The following DNER variants were observed in gnomAD, a reference collection of about 807,000 sequenced individuals.
The protein encoded by DNER is delta/notch like EGF repeat containing.
In DNER, 33 loss-of-function variants were observed where a neutral mutation model predicts 78.2. The observed-to-expected ratio is 0.42, with a 90% CI of 0.32 to 0.56. DNER has a LOEUF of 0.56. Ranked by LOEUF, DNER falls within the 20% of genes least tolerant of loss-of-function variation. The pLI, the probability that DNER is intolerant of heterozygous loss-of-function variation, is 0.11. For synonymous variants in DNER, 417 were observed against 384.8 expected (o/e 1.08, Z -0.98); for missense variants, 918 against 975.3 (o/e 0.94, Z 0.78).
intron 4 of DNER, among the ~76,000 whole-genome samples, chr2:229,570,498 G>T (rs777748975): frequency 5.3e-5 from 8 of 152,066 alleles, no homozygotes; most frequent in African/African-American, 1.2e-4. Context: ...ATGGTGTTGG[G>T]CGCCTATAAT....
At chr2:229,664,331 AC>A (rs57944597) in intron 1 of DNER, among the ~76,000 whole-genome samples, 9,605 of 152,088 alleles carry the variant, frequency 0.063, 859 homozygotes, top group African/African-American at 0.2. Context: ...AGATGCAAGC[AC>A]CATCCAGGGC....
chr2:229,708,919 GT>G (rs1335626470), intron 1 of DNER, among the ~76,000 whole-genome samples: 1 of 152,134 alleles, frequency 6.6e-6, no homozygotes, highest in African/African-American at 2.4e-5. Flanking sequence ...ACAAGTTTTT[GT>G]TCTTTCATTT....
At chr2:229,451,721 A>G (rs1481650220) in intron 7 of DNER, among the ~76,000 whole-genome samples, 1 of 152,244 alleles carries the variant, frequency 6.6e-6, no homozygotes, top group Non-Finnish European at 1.5e-5. Flanking sequence ...CCTACACTGC[A>G]CAGAAGAGAA....
At chr2:229,400,625 C>T (rs558981988) in intron 10 of DNER, among the ~76,000 whole-genome samples, 7 of 152,120 alleles carry the variant, frequency 4.6e-5, no homozygotes, top group Non-Finnish European at 1.0e-4. Flanking sequence ...AAAGAACTCC[C>T]AATGGCCAAA....
intron 1 of DNER, among the ~76,000 whole-genome samples, chr2:229,638,356 G>C (rs1698561118): frequency 6.6e-6 from 1 of 152,200 alleles, no homozygotes; most frequent in Non-Finnish European, 1.5e-5. Flanking sequence ...AAGCAGTATA[G>C]TATTCACCTA....
intron 4 of DNER, among the ~76,000 whole-genome samples, chr2:229,581,163 A>C (rs1697389644): frequency 6.6e-6 from 1 of 152,188 alleles, no homozygotes; most frequent in Admixed American, 6.5e-5. Context: ...GCTTCCTAAC[A>C]CAGAAGCCAC....
intron 1 of DNER, among the ~76,000 whole-genome samples, chr2:229,710,752 C>A (rs1699898754): frequency 6.6e-6 from 1 of 152,044 alleles, no homozygotes; most frequent in African/African-American, 2.4e-5. Context: ...TCATTTTCTG[C>A]ATTTGACTAA....
At chr2:229,663,796 A>G (rs1699046068) in intron 1 of DNER, among the ~76,000 whole-genome samples, 1 of 152,130 alleles carries the variant, frequency 6.6e-6, no homozygotes, top group Non-Finnish European at 1.5e-5. Context: ...TTTTTTCCTG[A>G]GAGTTACAGG....
rs150198484 is a variant in DNER, at chr2:229,464,279, G to A, written c.1261+12861C>T. On this transcript the variant is annotated intron_variant, in intron 7 of 12. Transcript: ENST00000341772. Reference sequence around the variant, plus strand: ...AATTACAAAATCATCAGCTGTAAAAGACCCAATAGGATTGCATTTTAAATG... The same window carrying A: ...AATTACAAAATCATCAGCTGTAAAAAACCCAATAGGATTGCATTTTAAATG... Among the ~76,000 whole-genome samples, 778 of 152,272 alleles carry A rather than the reference G, an allele frequency of 5.1e-3. 3 individuals carry two copies. The highest frequency in any genetic ancestry group is 0.017 in the Middle Eastern group (5 of 294).
At chr2:229,609,667 C>CT (rs1185281244) in intron 1 of DNER, among the ~76,000 whole-genome samples, 3 of 152,254 alleles carry the variant, frequency 2.0e-5, no homozygotes, top group Middle Eastern at 3.4e-3. Context: ...GCCTCTGTTC[C>CT]TAACGTGCTG....
chr2:229,691,259 T>G (rs991950477), intron 1 of DNER, among the ~76,000 whole-genome samples: 3 of 152,206 alleles, frequency 2.0e-5, no homozygotes, highest in Non-Finnish European at 4.4e-5. Flanking sequence ...TAGTTAGATT[T>G]TGTATTTTAT....
chr2:229,523,258 C>T (rs111993814), intron 5 of DNER, among the ~76,000 whole-genome samples: 3 of 152,228 alleles, frequency 2.0e-5, no homozygotes, highest in African/African-American at 4.8e-5. Context: ...ACAACCCCAT[C>T]GTGGGTTTCT....
chr2:229,599,247 G>C (rs1018034659), intron 1 of DNER, among the ~76,000 whole-genome samples: 4 of 152,172 alleles, frequency 2.6e-5, no homozygotes, highest in Non-Finnish European at 4.4e-5. Context: ...TATTAAGAAG[G>C]AAGTAAAGTG....
intron 8 of DNER, among the ~76,000 whole-genome samples, chr2:229,445,784 C>T (rs1383247159): frequency 6.6e-6 from 1 of 152,208 alleles, no homozygotes; most frequent in African/African-American, 2.4e-5. Flanking sequence ...TCTCTCCTCG[C>T]TCTCTGTCTC....
At chr2:229,410,143 A>C (rs1321163092) in intron 9 of DNER, among the ~76,000 whole-genome samples, 1 of 152,062 alleles carries the variant, frequency 6.6e-6, no homozygotes, top group Non-Finnish European at 1.5e-5. Context: ...ATATTTAACT[A>C]ATCTCTCAAT....
intron 7 of DNER, among the ~76,000 whole-genome samples, chr2:229,468,915 C>T (rs1450770309): frequency 1.3e-5 from 2 of 152,134 alleles, no homozygotes; most frequent in African/African-American, 4.8e-5. Flanking sequence ...CTACACCACC[C>T]CTAAACTGGG....
At chr2:229,388,176 TCA>T in intron 11 of DNER, 87 bp downstream of exon 11, 1 of 1,491,214 alleles carries the variant, frequency 6.7e-7, no homozygotes. Context: ...GGCTTTCTGG[TCA>T]CAGTCGGCAT....
intron 9 of DNER, among the ~76,000 whole-genome samples, chr2:229,413,318 C>CTTTTTTTTTTTTTTTTTT: frequency 1.1e-5 from 1 of 89,504 alleles, no homozygotes; most frequent in Non-Finnish European, 2.3e-5. Context: ...TCTTTTTCTT[C>CTTTTTTTTTTTTTTTTTT]TTCTTTTTTT....
intron 1 of DNER, among the ~76,000 whole-genome samples, chr2:229,703,738 G>A (rs1699786723): frequency 6.6e-6 from 1 of 152,136 alleles, no homozygotes; most frequent in African/African-American, 2.4e-5. Flanking sequence ...TTACTTCAGT[G>A]TGGTGGCACA....
Sources: allele counts gnomAD v4.1 joint callset (sites outside exome capture counted in the v4.1 genomes callset), GRCh38; gene constraint gnomAD v4.1.1; transcripts MANE v1.5; gene names NCBI Gene and HGNC (gene_info 2026-07-23, HGNC 2026-07-21).